The following MTO1 variants were observed in gnomAD, a reference collection of about 807,000 sequenced individuals.
MTO1 encodes the protein mitochondrial tRNA translation optimization 1, also known as 5-taurinomethyluridine-[tRNA] synthase subunit MTO1, mitochondrial.
In MTO1, 46 loss-of-function variants were observed where a neutral mutation model predicts 71.6. The ratio of observed to expected loss-of-function variants is 0.64; its 90% CI spans 0.51 to 0.82. The LOEUF is 0.82. MTO1 is among the 40% of genes least tolerant of loss of function. The pLI is 0.00. For missense variants in MTO1, 773 were observed against 867.5 expected, an observed-to-expected ratio of 0.89 and a Z score of 1.37; for synonymous variants, 297 against 312.1, an observed-to-expected ratio of 0.95 and a Z score of 0.51.
chr6:73,483,176 A>G (rs1468491564), intron 9 of MTO1, among the ~76,000 whole-genome samples: 2 of 152,116 alleles, frequency 1.3e-5, no homozygotes, highest in Non-Finnish European at 2.9e-5. Context: ...TGGGAGGCCA[A>G]GGCAGTCGGA....
chr6:73,491,558 G>A (rs190235659), intron 9 of MTO1, among the ~76,000 whole-genome samples: 2 of 152,264 alleles, frequency 1.3e-5, no homozygotes, highest in East Asian at 3.9e-4. Context: ...ATGGTTCCTA[G>A]CATGCAAAAG....
chr6:73,488,919 AAAC>A (rs574365970), intron 9 of MTO1, among the ~76,000 whole-genome samples: 15 of 152,184 alleles, frequency 9.9e-5, no homozygotes, highest in East Asian at 1.9e-4. Flanking sequence ...TCCGTCTAAA[AAAC>A]AACAACAACA....
At chr6:73,483,531 G>GAAAAGTTGTTATCTGCT (rs1561947899) in intron 9 of MTO1, among the ~76,000 whole-genome samples, 1 of 152,048 alleles carries the variant, frequency 6.6e-6, no homozygotes, top group Non-Finnish European at 1.5e-5. Flanking sequence ...CTCAAACCAA[G>GAAAAGTTGTTATCTGCT]AAAAGTTGTT....
chr6:73,466,152 T>G (rs1770978293), intron 1 of MTO1, 57 bp from the exon 2 acceptor site: 24 of 1,390,862 alleles, frequency 1.7e-5, no homozygotes, highest in Non-Finnish European at 2.3e-5. Flanking sequence ...CCTTATTAAG[T>G]AGTCACTATG....
At chr6:73,491,244 C>A (rs571957291) in intron 9 of MTO1, among the ~76,000 whole-genome samples, 171 of 142,202 alleles carry the variant, frequency 1.2e-3, no homozygotes, top group Admixed American at 2.6e-3. Flanking sequence ...TAAAAGTTGA[C>A]ATGTAGATTA....
At position 73,508,380 on chromosome 6, in the gene MTO1, A is replaced by T. The variant is rs1772345457; in HGVS notation, c.*7645A>T. The T allele has an allele frequency of 6.6e-6, 1 of 152,182 alleles. No homozygotes were observed. Among genetic ancestry groups the T allele is most frequent in the Admixed American group, 6.5e-5 (1 of 15,278 alleles). 9.4% of individuals were successfully genotyped at this position (152,182 alleles called of 1,614,324 possible). A position where few individuals can be genotyped will look rare whatever the true frequency, so the allele number is the denominator to read the frequency against. The stretch of plus-strand genomic sequence containing the variant: ...TTTAGAGTTGGTCTACATCCTTTTA[A>T]AACATGGGCAATCCAAATTTATAAC... On this transcript the variant is annotated 3_prime_UTR_variant, in exon 12 of 12. Transcript: ENST00000498286.
chr6:73,494,811 AC>A (rs1340968841), intron 10 of MTO1, among the ~76,000 whole-genome samples: 1 of 122,846 alleles, frequency 8.1e-6, no homozygotes, highest in East Asian at 2.4e-4. Flanking sequence ...TTACTCTGTC[AC>A]CCTGTCGCCC....
At chr6:73,471,050 G>A (rs1456046100) in intron 3 of MTO1, among the ~76,000 whole-genome samples, 1 of 151,966 alleles carries the variant, frequency 6.6e-6, no homozygotes, top group Non-Finnish European at 1.5e-5. Context: ...CTGTTGTGTG[G>A]TCTTTCTACC....
Position 73,473,537 on chromosome 6 carries a change from GACTGGGACTCC to G in MTO1, c.711_721del (p.Gly238ProfsTer8). The stretch of plus-strand genomic sequence containing the variant: ...TAGGGTTTGTGGTGGGAAGGTTGAA[GACTGGGACTCC>G]ACCCCGAATTGCCAAAGAGTCCATT... On this transcript the variant is annotated frameshift_variant, in exon 4 of 12. Transcript: ENST00000498286. LOFTEE classifies it high-confidence loss of function. 1 of 1,614,030 alleles carries G rather than the reference GACTGGGACTCC, an allele frequency of 6.2e-7. No individual in the cohort carries two copies. The highest frequency in any genetic ancestry group is 8.5e-7 in the Non-Finnish European group (1 of 1,180,020).
intron 10 of MTO1, among the ~76,000 whole-genome samples, chr6:73,494,925 G>A (rs559829658): frequency 4.7e-5 from 7 of 150,324 alleles, no homozygotes; most frequent in East Asian, 2.0e-4. Context: ...GACTATAGGC[G>A]CGCACCACCA....
At chr6:73,482,861 G>C (rs1020394732) in intron 9 of MTO1, among the ~76,000 whole-genome samples, 1 of 129,834 alleles carries the variant, frequency 7.7e-6, no homozygotes, top group Non-Finnish European at 1.5e-5. Context: ...GTGCGATCTC[G>C]GCTCACTGCA....
At position 73,482,793 on chromosome 6, in the gene MTO1, T is replaced by C. The variant is rs60280473; in HGVS notation, c.1637+173T>C. ...TGTAACTCATCTTTTTTCTTTCTTT[T>C]TTTTTTTTTTTTTTTTTTGAGACAG... On this transcript the variant is annotated intron_variant, in intron 9 of 11. Transcript: ENST00000498286. Among the ~76,000 whole-genome samples, 532 of 135,152 alleles carry C rather than the reference T, an allele frequency of 3.9e-3. 4 individuals are homozygous for C. The highest frequency in any genetic ancestry group is 0.013 in the African/African-American group (476 of 35,812). The allele number at this position is 135,152 out of a possible 152,430, so 88.7% of individuals were successfully genotyped here. A position where few individuals can be genotyped will look rare whatever the true frequency, so the allele number is the denominator to read the frequency against.
Position 73,461,947 on chromosome 6 carries a change from G to A in MTO1, c.93G>A (p.Ala31=). The A allele has an allele frequency of 1.2e-6, 2 of 1,614,250 alleles. No individual in the cohort carries two copies. The highest frequency in any genetic ancestry group is 1.7e-5 in the Admixed American group (1 of 60,026). Residue 31 remains alanine (A), a synonymous_variant, in exon 1 of 12, where the codon GCG becomes GCA. Transcript: ENST00000498286. The part of the protein sequence containing the change: ...PLARLSSDSA[A]PRTPHFDVIV... ...CACGGTTGAGCAGTGACAGCGCGGCGCCCCGGACTCCGCACTTCGACGTGA... is the reference window on the plus strand; with the variant it reads ...CACGGTTGAGCAGTGACAGCGCGGCACCCCGGACTCCGCACTTCGACGTGA...
chr6:73,482,185 G>A lies in MTO1; in HGVS notation c.1406G>A (p.Arg469Gln), dbSNP rs750141214. The stretch of plus-strand genomic sequence containing the variant: ...GAACCATACCGCATGTTTACCAGCC[G>A]AGTAGAGTTCCGTTTGTCACTGCGC... ...TSEPYRMFTS[R>Q]VEFRLSLRPD... Residue 469 changes from arginine to glutamine, a missense_variant, in exon 8 of 12, where the codon CGA (arginine) becomes CAA (glutamine). Arg to Gln is a conservative substitution (Grantham distance 43). Coordinates refer to ENST00000498286, the MANE Select transcript of MTO1 (RefSeq NM_012123.4). 14 of 1,614,016 alleles carry A rather than the reference G, an allele frequency of 8.7e-6. No individual in the cohort carries two copies. Among genetic ancestry groups the A allele is most frequent in the African/African-American group, 1.3e-5 (1 of 74,900 alleles).
Position 73,502,426 on chromosome 6 carries a change from AGAGT to A in MTO1, c.*1695_*1698del, listed in dbSNP as rs1772185639. The A allele has an allele frequency of 1.3e-5, 2 of 151,988 alleles. No individual in the cohort carries two copies. The highest frequency in any genetic ancestry group is 4.8e-5 in the African/African-American group (2 of 41,380). The allele number at this position is 151,988 out of a possible 1,614,324, so 9.4% of individuals were successfully genotyped here. ...GCCACTGCACTCCAGCCTGGGCGAC[AGAGT>A]GAGACTGTTTCAAAAAAAAGAAAAA... On this transcript the variant is annotated 3_prime_UTR_variant, in exon 12 of 12. Coordinates refer to ENST00000498286, the MANE Select transcript of MTO1 (RefSeq NM_012123.4).
chr6:73,463,221 C>T (rs377741136), intron 1 of MTO1, among the ~76,000 whole-genome samples: 2 of 151,658 alleles, frequency 1.3e-5, no homozygotes, highest in African/African-American at 4.8e-5. Flanking sequence ...TTAGTAGAGT[C>T]GGGGTTTCAC....
chr6:73,497,923 A>G (rs773107324), intron 11 of MTO1, 27 bp downstream of exon 11: 1 of 1,583,984 alleles, frequency 6.3e-7, no homozygotes, highest in East Asian at 2.2e-5. Context: ...GAGAATAGAA[A>G]CAAGTTATAG....
At position 73,466,585 on chromosome 6, in the gene MTO1, C is replaced by T. The variant is rs370046018; in HGVS notation, c.514C>T (p.Arg172Cys). Residue 172 changes from arginine to cysteine, a missense_variant, in exon 3 of 12, where the codon CGT (arginine) becomes TGT (cysteine). By Grantham distance (180) the Arg-to-Cys change is radical. Coordinates refer to ENST00000498286, the MANE Select transcript of MTO1 (RefSeq NM_012123.4). ...AGAGCCTGAACACACTGGGAAATGC[C>T]GTGTCAGTGGGGTTGTTTTGGGTAC... Reference protein sequence around the residue: ...EPEPEHTGKCRVSGVVLVDGS... With the variant: ...EPEPEHTGKCCVSGVVLVDGS... The T allele has an allele frequency of 4.7e-5, 76 of 1,613,884 alleles. No individual in the cohort carries two copies. The highest frequency in any genetic ancestry group is 1.2e-4 in the African/African-American group (9 of 74,982).
rs1771235008 is a variant in MTO1 at position 73,474,006 on chromosome 6, G to A, written c.825+352G>A. Among the ~76,000 whole-genome samples, 4 of 151,704 alleles carry A rather than the reference G, an allele frequency of 2.6e-5. No individual in the cohort carries two copies. The South Asian group carries it at 8.3e-4, about 32-fold the overall frequency. On this transcript the variant is annotated intron_variant, in intron 4 of 11. Coordinates refer to ENST00000498286, the MANE Select transcript of MTO1 (RefSeq NM_012123.4). ...TCACTATGTTGCCCAGGCTGGTCTC[G>A]AACTCCTGGGCTCAAAGGATCCACC...
Sources: allele counts gnomAD v4.1 joint callset (sites outside exome capture counted in the v4.1 genomes callset), GRCh38; gene constraint gnomAD v4.1.1; transcripts MANE v1.5; gene names NCBI Gene and HGNC (gene_info 2026-07-23, HGNC 2026-07-21).